Variants in LRMDA observed in about 807,000 individuals in gnomAD.
The protein encoded by LRMDA is leucine-rich melanocyte differentiation-associated protein.
A neutral mutation model predicts 29.8 loss-of-function variants in LRMDA; 18 were observed. That is an observed-to-expected ratio of 0.60 (90% CI 0.42 to 0.90). The LOEUF is 0.90. Ranked by LOEUF, LRMDA falls within the 40% of genes least tolerant of loss-of-function variation. The pLI, the probability that LRMDA is intolerant of heterozygous loss-of-function variation, is 0.00. For synonymous variants in LRMDA, 125 were observed against 109.4 expected, an observed-to-expected ratio of 1.14 and a Z score of -0.89; for missense variants, 273 against 273.9, an observed-to-expected ratio of 1.00 and a Z score of 0.02.
intron 2 of LRMDA, among the ~76,000 whole-genome samples, chr10:75,918,855 G>A (rs1845978765): frequency 6.6e-6 from 1 of 152,062 alleles, no homozygotes; most frequent in Non-Finnish European, 1.5e-5. Flanking sequence ...GACGTTGATT[G>A]GGCACCAGTT....
intron 2 of LRMDA, among the ~76,000 whole-genome samples, chr10:75,824,782 T>G (rs908412915): frequency 6.6e-6 from 1 of 152,162 alleles, no homozygotes; most frequent in Non-Finnish European, 1.5e-5. Flanking sequence ...ATTTGGAGCA[T>G]TTTACCACCC....
intron 5 of LRMDA, among the ~76,000 whole-genome samples, chr10:76,218,553 C>T (rs991594143): frequency 2.6e-5 from 4 of 152,154 alleles, no homozygotes; most frequent in Admixed American, 6.5e-5. Flanking sequence ...TAGTTAGCTG[C>T]GTGCAACTTA....
chr10:75,682,696 T>TCTTAC (rs1842039074), intron 2 of LRMDA, among the ~76,000 whole-genome samples: 1 of 152,160 alleles, frequency 6.6e-6, no homozygotes, highest in Non-Finnish European at 1.5e-5. Context: ...ATGTGTCCAG[T>TCTTAC]TGCAAGTCAA....
At chr10:75,522,520 C>T (rs1469162811) in intron 2 of LRMDA, among the ~76,000 whole-genome samples, 2 of 152,164 alleles carry the variant, frequency 1.3e-5, no homozygotes, top group Non-Finnish European at 2.9e-5. Context: ...TCCTGGCCAC[C>T]AGATTGCAGC....
chr10:75,901,591 GA>G (rs1845674039), intron 2 of LRMDA, among the ~76,000 whole-genome samples: 1 of 151,998 alleles, frequency 6.6e-6, no homozygotes, highest in African/African-American at 2.4e-5. Flanking sequence ...CATGGGGGGA[GA>G]AAAAAGAACC....
intron 6 of LRMDA, among the ~76,000 whole-genome samples, chr10:76,382,909 A>T (rs1250546325): frequency 1.3e-5 from 2 of 152,206 alleles, no homozygotes; most frequent in Non-Finnish European, 2.9e-5. Flanking sequence ...TCAGACGAAG[A>T]GAAGGAAGAG....
At chr10:75,868,621 C>A (rs920820683) in intron 2 of LRMDA, among the ~76,000 whole-genome samples, 2 of 152,182 alleles carry the variant, frequency 1.3e-5, no homozygotes, top group Admixed American at 6.5e-5. Context: ...AAAAGATACT[C>A]TTGTTTTTTC....
At chr10:75,846,422 T>C (rs1042139350) in intron 2 of LRMDA, among the ~76,000 whole-genome samples, 8 of 152,140 alleles carry the variant, frequency 5.3e-5, no homozygotes, top group African/African-American at 1.9e-4. Flanking sequence ...GGTAAAATTG[T>C]TTTTATCAAT....
chr10:75,995,369 G>T (rs1564625700), intron 2 of LRMDA, among the ~76,000 whole-genome samples: 1 of 152,156 alleles, frequency 6.6e-6, no homozygotes, highest in Non-Finnish European at 1.5e-5. Flanking sequence ...TGAGTCTCAA[G>T]GATGAGTCTT....
At chr10:76,374,802 A>C (rs907971710) in intron 6 of LRMDA, among the ~76,000 whole-genome samples, 2 of 152,152 alleles carry the variant, frequency 1.3e-5, no homozygotes, top group African/African-American at 4.8e-5. Context: ...TTGAACAACA[A>C]CTCTAGTATA....
chr10:75,975,645 T>G (rs963723700), intron 2 of LRMDA, among the ~76,000 whole-genome samples: 15 of 152,166 alleles, frequency 9.9e-5, no homozygotes, highest in African/African-American at 3.6e-4. Flanking sequence ...CTCTGAACGA[T>G]GCACAGAGGC....
At chr10:75,837,844 T>C (rs1844468344) in intron 2 of LRMDA, among the ~76,000 whole-genome samples, 1 of 152,154 alleles carries the variant, frequency 6.6e-6, no homozygotes, top group South Asian at 2.1e-4. Context: ...ACTTGTGTGA[T>C]GGTGATGGAT....
chr10:76,016,911 T>C (rs1342091942), intron 2 of LRMDA, among the ~76,000 whole-genome samples: 1 of 152,220 alleles, frequency 6.6e-6, no homozygotes, highest in Non-Finnish European at 1.5e-5. Context: ...TCCTTAGGCC[T>C]GGATGAGAAC....
chr10:76,056,020 C>T (rs1452291254), intron 4 of LRMDA, among the ~76,000 whole-genome samples: 1 of 152,194 alleles, frequency 6.6e-6, no homozygotes, highest in Non-Finnish European at 1.5e-5. Flanking sequence ...AGTTGTTGTC[C>T]CAGATCCAGG....
At chr10:76,117,554 A>G (rs907046848) in intron 5 of LRMDA, among the ~76,000 whole-genome samples, 1 of 152,222 alleles carries the variant, frequency 6.6e-6, no homozygotes, top group African/African-American at 2.4e-5. Context: ...CATGGGTTTC[A>G]CCTCAGCATC....
intron 2 of LRMDA, among the ~76,000 whole-genome samples, chr10:75,899,556 C>G (rs1378348730): frequency 1.3e-5 from 2 of 152,206 alleles, no homozygotes; most frequent in African/African-American, 4.8e-5. Flanking sequence ...GTGGCTGTTA[C>G]ATGCAAGGCC....
intron 2 of LRMDA, among the ~76,000 whole-genome samples, chr10:75,694,971 A>G (rs2132164659): frequency 6.6e-6 from 1 of 152,258 alleles, no homozygotes; most frequent in African/African-American, 2.4e-5. Flanking sequence ...TTCTTCCATC[A>G]GTGGGAGCCA....
At chr10:75,754,054 A>G (rs1405590041) in intron 2 of LRMDA, among the ~76,000 whole-genome samples, 1 of 152,174 alleles carries the variant, frequency 6.6e-6, no homozygotes, top group Non-Finnish European at 1.5e-5. Flanking sequence ...TTGTGCTGTC[A>G]TTGTGCCTGG....
chr10:76,403,539 T>C (rs1011720167), intron 6 of LRMDA, among the ~76,000 whole-genome samples: 6 of 152,110 alleles, frequency 3.9e-5, no homozygotes, highest in East Asian at 3.9e-4. Flanking sequence ...CTTTAAAAAT[T>C]TGGGGCTTTA....
Sources: gnomAD v4.1 joint callset for allele counts (sites outside exome capture counted in the v4.1 genomes callset) on GRCh38, gnomAD v4.1.1 for gene constraint, MANE v1.5 for transcripts, NCBI Gene and HGNC (gene_info 2026-07-23, HGNC 2026-07-21) for gene names.